CMIP: variants seen among roughly 807,000 people sequenced by gnomAD.
The protein encoded by CMIP is C-Maf-inducing protein.
CMIP carries 13 observed loss-of-function variants against 97.3 expected under a neutral mutation model. The ratio of observed to expected loss-of-function variants is 0.13; its 90% confidence interval spans 0.09 to 0.21. The LOEUF (loss-of-function observed/expected upper bound fraction) is 0.21, where lower values mean the gene tolerates loss of function less well. Ranked by LOEUF, CMIP falls within the 10% of genes least tolerant of loss-of-function variation. The pLI is 1.00. For synonymous variants in CMIP, 538 were observed against 436.3 expected, an observed-to-expected ratio of 1.23 and a Z score of -2.91; for missense variants, 847 against 1,024.9, an observed-to-expected ratio of 0.83 and a Z score of 2.37.
At position 81,678,356 on chromosome 16, in the gene CMIP, C is replaced by A. The variant is rs750935151; in HGVS notation, c.1116C>A (p.Arg372=). 5 of 1,613,390 alleles carry A rather than the reference C, an allele frequency of 3.1e-6. No homozygotes were observed. The highest frequency in any genetic ancestry group is 4.2e-6 in the Non-Finnish European group (5 of 1,179,710). ...ACCGGAAGCCCACTTTACCTCTGCG[C>A]CTTCTGCACCCCAGCCCGGACCTGG... ...PCDRKPTLPL[R]LLHPSPDLVS... The change falls in exon 10 of 21, where the codon CGC becomes CGA. Residue 372 remains arginine (R), a synonymous_variant. Coordinates refer to ENST00000537098, the MANE Select transcript of CMIP (RefSeq NM_198390.3).
At chr16:81,653,100 A>G (rs780440127) in intron 4 of CMIP, among the ~76,000 whole-genome samples, 16 of 152,160 alleles carry the variant, frequency 1.1e-4, no homozygotes, top group Admixed American at 2.0e-4. Flanking sequence ...TTCAGGTGCT[A>G]TTCTAGGCGC....
At chr16:81,599,984 T>C (rs986511146) in intron 1 of CMIP, among the ~76,000 whole-genome samples, 1 of 151,976 alleles carries the variant, frequency 6.6e-6, no homozygotes, top group Non-Finnish European at 1.5e-5. Flanking sequence ...TCTGTCATCA[T>C]TAAAAAAAGA....
chr16:81,681,649 G>A (rs763181883), intron 10 of CMIP, among the ~76,000 whole-genome samples: 4 of 152,204 alleles, frequency 2.6e-5, no homozygotes, highest in Admixed American at 6.5e-5. Context: ...GGCGAGATGC[G>A]TCATTGATTC....
intron 3 of CMIP, among the ~76,000 whole-genome samples, chr16:81,622,356 G>C (rs1393460914): frequency 2.6e-5 from 4 of 152,202 alleles, no homozygotes; most frequent in African/African-American, 9.6e-5. Flanking sequence ...TGAGAGCTCT[G>C]TATCCACTGG....
intron 1 of CMIP, among the ~76,000 whole-genome samples, chr16:81,563,936 G>C (rs867055959): frequency 2.6e-5 from 4 of 152,254 alleles, no homozygotes; most frequent in Non-Finnish European, 5.9e-5. Context: ...GTCTCCAGCA[G>C]CTGGTGCCTG....
At chr16:81,501,914 G>A (rs1055586116) in intron 1 of CMIP, among the ~76,000 whole-genome samples, 7 of 152,166 alleles carry the variant, frequency 4.6e-5, no homozygotes, top group African/African-American at 1.2e-4. Context: ...GCTACTAACC[G>A]GCAAGTGACT....
At chr16:81,588,429 T>A (rs2091416675) in intron 1 of CMIP, among the ~76,000 whole-genome samples, 1 of 152,202 alleles carries the variant, frequency 6.6e-6, no homozygotes, top group Non-Finnish European at 1.5e-5. Flanking sequence ...GCCACGCTTG[T>A]CAGGTGTGGT....
chr16:81,579,964 A>G (rs1053400990), intron 1 of CMIP, among the ~76,000 whole-genome samples: 4 of 152,252 alleles, frequency 2.6e-5, no homozygotes, highest in Non-Finnish European at 5.9e-5. Flanking sequence ...CGTCTCAAAA[A>G]AAGAAATTAA....
At chr16:81,656,602 G>A (rs759090707) in intron 4 of CMIP, among the ~76,000 whole-genome samples, 17 of 152,146 alleles carry the variant, frequency 1.1e-4, no homozygotes, top group African/African-American at 1.9e-4. Flanking sequence ...GGCACAGGTC[G>A]AGCATCTCTA....
At chr16:81,698,800 T>G (rs1232800675) in intron 14 of CMIP, among the ~76,000 whole-genome samples, 1 of 152,204 alleles carries the variant, frequency 6.6e-6, no homozygotes, top group Non-Finnish European at 1.5e-5. Context: ...CAGCCACTTT[T>G]CCTTTCTGTC....
intron 2 of CMIP, 37 bp downstream of exon 2, chr16:81,607,729 C>A (rs372733799): frequency 1.2e-6 from 2 of 1,605,076 alleles, no homozygotes; most frequent in Admixed American, 1.7e-5. Context: ...GTTTCTTCTC[C>A]CTCATCTTCA....
chr16:81,600,275 G>GAAAAAAAAAA (rs71146022), intron 1 of CMIP, among the ~76,000 whole-genome samples: 3 of 81,710 alleles, frequency 3.7e-5, no homozygotes, highest in Non-Finnish European at 2.3e-5. Flanking sequence ...GACTCCATCT[G>GAAAAAAAAAA]AAAAAAAAAA....
At chr16:81,685,986 G>C (rs1905342318) in intron 10 of CMIP, among the ~76,000 whole-genome samples, 1 of 152,190 alleles carries the variant, frequency 6.6e-6, no homozygotes, top group Non-Finnish European at 1.5e-5. Flanking sequence ...CACAGGTTCA[G>C]ATCCCAGCTC....
chr16:81,531,500 C>G (rs1410184197), intron 1 of CMIP, among the ~76,000 whole-genome samples: 1 of 152,224 alleles, frequency 6.6e-6, no homozygotes, highest in Non-Finnish European at 1.5e-5. Context: ...TTCTACGACC[C>G]TACCCGTGTT....
At chr16:81,701,847 G>T (rs199830971) in intron 16 of CMIP, 47 bp downstream of exon 16, 227 of 1,609,358 alleles carry the variant, frequency 1.4e-4, no homozygotes, top group African/African-American at 1.1e-3. Flanking sequence ...AGCAGGCCAG[G>T]GGGGGCCAGG....
chr16:81,556,233 G>A (rs2090761250), intron 1 of CMIP, among the ~76,000 whole-genome samples: 4 of 152,144 alleles, frequency 2.6e-5, no homozygotes, highest in African/African-American at 9.7e-5. Flanking sequence ...GAAGGCAGAT[G>A]TTGGACTGGT....
chr16:81,659,608 C>T (rs1282960795), intron 5 of CMIP, among the ~76,000 whole-genome samples: 2 of 152,192 alleles, frequency 1.3e-5, no homozygotes, highest in Non-Finnish European at 2.9e-5. Context: ...GAGGTACTGC[C>T]TTCCTCTCCC....
chr16:81,704,213 C>A (rs1597276139), intron 18 of CMIP, 128 bp downstream of exon 18: 3 of 575,976 alleles, frequency 5.2e-6, no homozygotes, highest in Non-Finnish European at 8.9e-6. Flanking sequence ...CTCCTTCCTG[C>A]CCCCTCCCCC....
chr16:81,498,069 C>T (rs1483183314), intron 1 of CMIP, among the ~76,000 whole-genome samples: 1 of 152,228 alleles, frequency 6.6e-6, no homozygotes, highest in Non-Finnish European at 1.5e-5. Flanking sequence ...TTCATTCATT[C>T]TCAGAGTACC....
Sources: allele counts gnomAD v4.1 joint callset (sites outside exome capture counted in the v4.1 genomes callset), GRCh38; gene constraint gnomAD v4.1.1; transcripts MANE v1.5; gene names NCBI Gene and HGNC (gene_info 2026-07-23, HGNC 2026-07-21).